The following AP2A2 variants were observed in gnomAD, a reference collection of about 807,000 sequenced individuals.
AP2A2 encodes AP-2 complex subunit alpha-2.
In AP2A2, 32 loss-of-function variants were observed where a neutral mutation model predicts 104.2. The observed-to-expected ratio is 0.31, with a 90% CI of 0.23 to 0.41. The LOEUF is 0.41. AP2A2 is among the 10% of genes least tolerant of loss of function. AP2A2 has a pLI of 1.00. For missense variants in AP2A2, 912 were observed against 1,261.0 expected, an observed-to-expected ratio of 0.72 and a Z score of 4.19; for synonymous variants, 539 against 533.3, an observed-to-expected ratio of 1.01 and a Z score of -0.15.
At chr11:927,696 A>G (rs561144722) in intron 1 of AP2A2, among the ~76,000 whole-genome samples, 148 of 151,312 alleles carry the variant, frequency 9.8e-4, no homozygotes, top group Middle Eastern at 3.4e-3. Flanking sequence ...GTACACATCT[A>G]TAGTCCCAGC....
At chr11:935,780 G>A (rs1011085953) in intron 1 of AP2A2, among the ~76,000 whole-genome samples, 2 of 150,988 alleles carry the variant, frequency 1.3e-5, no homozygotes, top group African/African-American at 2.4e-5. Context: ...ATTTTTAGTA[G>A]AGACGGAGTT....
chr11:979,498 G>T (rs915326299), intron 5 of AP2A2, among the ~76,000 whole-genome samples: 1 of 152,112 alleles, frequency 6.6e-6, no homozygotes, highest in African/African-American at 2.4e-5. Context: ...TATAGTAGGT[G>T]CACCCCAGCC....
chr11:983,920 C>CT lies in AP2A2; in HGVS notation c.706-723dup, dbSNP rs1457396668. 3.9e-5 allele frequency among the ~76,000 whole-genome samples: 6 copies of CT among 152,140 alleles called. No individual in the cohort carries two copies. In the East Asian group the frequency reaches 1.2e-3, roughly 29 times the overall value. On this transcript the variant is annotated intron_variant, in intron 6 of 21. Transcript: ENST00000448903. ...TCTTTGACAGCCTAGAGCTTGCCTCCTTGCAGCAGGAGTCCGTGACCCAAG... is the reference window on the plus strand; with the variant it reads ...TCTTTGACAGCCTAGAGCTTGCCTCCTTTGCAGCAGGAGTCCGTGACCCAAG...
chr11:1,006,446 G>T, intron 16 of AP2A2, 82 bp from the exon 17 acceptor site: 2 of 949,558 alleles, frequency 2.1e-6, no homozygotes, highest in South Asian at 1.4e-5. Context: ...TGAAGATTGT[G>T]GGGGGCTCTT....
intron 21 of AP2A2, 145 bp downstream of exon 21, chr11:1,009,962 C>A: frequency 9.9e-7 from 1 of 1,014,048 alleles, no homozygotes; most frequent in Non-Finnish European, 1.4e-6. Flanking sequence ...TACATGGTTG[C>A]CTCCCAGCCT....
intron 2 of AP2A2, among the ~76,000 whole-genome samples, chr11:969,163 A>G (rs1854728983): frequency 7.0e-6 from 1 of 142,518 alleles, no homozygotes. Flanking sequence ...GCTGGCTCTG[A>G]GGGACACTCC....
chr11:1,006,205 C>T lies in AP2A2; in HGVS notation c.2207-323C>T, dbSNP rs1564823145. ...CTCCAGCTGTAGCCCAGCCTGCAGA[C>T]GGGGCGTTCTGTGGGTCCTTCCCCG... On this transcript the variant is annotated intron_variant, in intron 16 of 21. Coordinates refer to ENST00000448903, the MANE Select transcript of AP2A2 (RefSeq NM_012305.4). Among the ~76,000 whole-genome samples, 5 of 152,242 alleles carry T rather than the reference C, an allele frequency of 3.3e-5. No homozygotes were observed. In the South Asian group the frequency reaches 6.2e-4, roughly 19 times the overall value.
Position 994,005 on chromosome 11 carries a change from C to A in AP2A2, c.1782+20C>A. Reference sequence around the variant, plus strand: ...ATTCTGGTAGGAGGCCCCCGCCCTTCGGGCTGGCTTGGCTGAGGGTTGGAG... The same window carrying A: ...ATTCTGGTAGGAGGCCCCCGCCCTTAGGGCTGGCTTGGCTGAGGGTTGGAG... On this transcript the variant is annotated intron_variant, in intron 13 of 21. Transcript: ENST00000448903. 1 of 1,609,244 alleles carries A rather than the reference C, an allele frequency of 6.2e-7. No homozygotes were observed. Among genetic ancestry groups the A allele is most frequent in the Non-Finnish European group, 8.5e-7 (1 of 1,177,246 alleles).
At chr11:985,275 G>A in intron 7 of AP2A2, 160 bp from the exon 8 acceptor site, 2 of 955,706 alleles carry the variant, frequency 2.1e-6, no homozygotes, top group South Asian at 1.8e-5. Flanking sequence ...GAGCCACCGT[G>A]CCCGGCCTGT....
At chr11:955,421 G>A (rs1020588562) in intron 1 of AP2A2, among the ~76,000 whole-genome samples, 2 of 152,220 alleles carry the variant, frequency 1.3e-5, no homozygotes, top group African/African-American at 4.8e-5. Context: ...CTTTCTTGTG[G>A]AGCCGTCCGC....
chr11:964,667 ATGT>A (rs1251062391), intron 2 of AP2A2, among the ~76,000 whole-genome samples: 1 of 152,192 alleles, frequency 6.6e-6, no homozygotes, highest in African/African-American at 2.4e-5. Context: ...TTTTAATAAA[ATGT>A]TGTGAACAAC....
At chr11:1,002,440 C>T (rs1249017499) in intron 15 of AP2A2, among the ~76,000 whole-genome samples, 1 of 152,258 alleles carries the variant, frequency 6.6e-6, no homozygotes, top group Non-Finnish European at 1.5e-5. Flanking sequence ...TTGCTTAGAC[C>T]ACACTTGACT....
In AP2A2 at chr11:970,329, T is replaced by C. The variant is rs1425044554; in HGVS notation, c.279+18T>C. 1 of 1,611,608 alleles carries C rather than the reference T, an allele frequency of 6.2e-7. No individual in the cohort carries two copies. The highest frequency in any genetic ancestry group is 8.5e-7 in the Non-Finnish European group (1 of 1,178,260). Reference sequence around the variant, plus strand: ...AGCAGATCGTGAGTATCGCTGCAGGTGGAGACGGCAGAGGATGGCGTGGGC... The same window carrying C: ...AGCAGATCGTGAGTATCGCTGCAGGCGGAGACGGCAGAGGATGGCGTGGGC... On this transcript the variant is annotated intron_variant, in intron 3 of 21. Coordinates refer to ENST00000448903, the MANE Select transcript of AP2A2 (RefSeq NM_012305.4).
At chr11:930,733 G>T (rs1206205438) in intron 1 of AP2A2, among the ~76,000 whole-genome samples, 2 of 152,172 alleles carry the variant, frequency 1.3e-5, no homozygotes, top group African/African-American at 2.4e-5. Context: ...TGTTAGCCAG[G>T]ATGGTCTCGG....
At chr11:971,944 C>A in intron 3 of AP2A2, 118 bp from the exon 4 acceptor site, 1 of 974,162 alleles carries the variant, frequency 1.0e-6, no homozygotes, top group Non-Finnish European at 1.5e-6. Flanking sequence ...GCCCTGGGTG[C>A]GTGGGTGGTG....
At chr11:953,169 G>A (rs1351822907) in intron 1 of AP2A2, among the ~76,000 whole-genome samples, 1 of 152,166 alleles carries the variant, frequency 6.6e-6, no homozygotes, top group Non-Finnish European at 1.5e-5. Flanking sequence ...TGTCTTTCTT[G>A]TTTTTGAGAC....
Position 1,010,791 on chromosome 11 carries a change from C to G in AP2A2, c.*166C>G. 1.5e-6 allele frequency: 1 copy of G among 689,368 alleles called. No individual in the cohort carries two copies. The highest frequency in any genetic ancestry group is 2.6e-6 in the Non-Finnish European group (1 of 380,368). 42.7% of individuals were successfully genotyped at this position (689,368 alleles called of 1,614,324 possible). On this transcript the variant is annotated 3_prime_UTR_variant, in exon 22 of 22. Transcript: ENST00000448903. The stretch of plus-strand genomic sequence containing the variant: ...CCCCTTTGGGCTGGACGGGAACACA[C>G]GTGTGTGGCTCAGGAGGAAAAGCTC...
chr11:994,479 G>T (rs186564126), intron 14 of AP2A2, among the ~76,000 whole-genome samples: 649 of 149,792 alleles, frequency 4.3e-3, no homozygotes, highest in African/African-American at 0.015. Context: ...TGTCCCGGGG[G>T]CCACTGTCCC....
At chr11:970,555 C>T (rs945295714) in intron 3 of AP2A2, among the ~76,000 whole-genome samples, 6 of 152,278 alleles carry the variant, frequency 3.9e-5, no homozygotes, top group African/African-American at 1.2e-4. Context: ...AGGGTTCCTC[C>T]TCCTGCATGC....
Sources: gnomAD v4.1 joint callset for allele counts (sites outside exome capture counted in the v4.1 genomes callset) on GRCh38, gnomAD v4.1.1 for gene constraint, MANE v1.5 for transcripts, NCBI Gene and HGNC (gene_info 2026-07-23, HGNC 2026-07-21) for gene names.